The following APOL6 variants were observed in gnomAD, a reference collection of about 807,000 sequenced individuals.
APOL6 encodes the protein apolipoprotein L, 6.
A neutral mutation model predicts 2.4 loss-of-function variants in APOL6; 1 was observed. The ratio of observed to expected loss-of-function variants is 0.41; its 90% CI spans 0.15 to 1.94. The LOEUF is 1.94. Among genes scored for constraint, APOL6 ranks in the 30% most tolerant of loss-of-function variants. The pLI, the probability that APOL6 is intolerant of heterozygous loss-of-function variation, is 0.30. For synonymous variants in APOL6, 189 were observed against 169.3 expected (o/e 1.12, Z -0.90); for missense variants, 438 against 429.2 (o/e 1.02, Z -0.18).
rs1925011302 is a variant in APOL6 at position 35,661,095 on chromosome 22, TATTACACTGATAAAGTGTA to T, written c.*1508_*1526del. On this transcript the variant is annotated 3_prime_UTR_variant, in exon 3 of 3. Coordinates refer to ENST00000409652, the MANE Select transcript of APOL6 (RefSeq NM_030641.4). ...AGTCTGTGGTGAGCAAAGTTTGCCT[TATTACACTGATAAAGTGTA>T]ATTACACTAATAAAGCTGGATCACC... The T allele has an allele frequency of 6.6e-6, 1 of 152,140 alleles. No individual in the cohort carries two copies. Among genetic ancestry groups the T allele is most frequent in the Admixed American group, 6.5e-5 (1 of 15,268 alleles). 9.4% of individuals were successfully genotyped at this position (152,140 alleles called of 1,614,324 possible). A position where few individuals can be genotyped will look rare whatever the true frequency, so the allele number is the denominator to read the frequency against.
intron 1 of APOL6, among the ~76,000 whole-genome samples, chr22:35,653,357 A>G (rs1924750670): frequency 6.6e-6 from 1 of 152,200 alleles, no homozygotes. Context: ...GGACAATTTG[A>G]CTTCCTCTTT....
chr22:35,656,224 C>T (rs1368517713), intron 1 of APOL6, among the ~76,000 whole-genome samples, 155 bp from the exon 2 acceptor site: 1 of 152,162 alleles, frequency 6.6e-6, no homozygotes, highest in East Asian at 1.9e-4. Flanking sequence ...GTAAGCTACA[C>T]CTCAACATAC....
Position 35,665,968 on chromosome 22 carries a change from A to T in APOL6, c.*6372A>T, listed in dbSNP as rs934922447. On this transcript the variant is annotated 3_prime_UTR_variant, in exon 3 of 3. Transcript: ENST00000409652. ...TTTCCCTAAAGTCCTAAAATGACAT[A>T]ATTTGGCTTATTTGGTATAAAAATT... 5 of 152,232 alleles carry T rather than the reference A, an allele frequency of 3.3e-5. No individual in the cohort carries two copies. Among genetic ancestry groups the T allele is most frequent in the African/African-American group, 1.2e-4 (5 of 41,462 alleles). 9.4% of individuals were successfully genotyped at this position (152,232 alleles called of 1,614,324 possible).
Position 35,665,556 on chromosome 22 carries a change from CCTGTGT to C in APOL6, c.*5964_*5969del, listed in dbSNP as rs1408730234. On this transcript the variant is annotated 3_prime_UTR_variant, in exon 3 of 3. Transcript: ENST00000409652. Reference sequence around the variant, plus strand: ...CTGATGCAAAATCAGTATATGGACCCCTGTGTCTGATTAGCAAGGTTTTCTTGAAGC... The same window carrying C: ...CTGATGCAAAATCAGTATATGGACCCCTGATTAGCAAGGTTTTCTTGAAGC... 1 of 152,158 alleles carries C rather than the reference CCTGTGT, an allele frequency of 6.6e-6. No homozygotes were observed. The highest frequency in any genetic ancestry group is 1.9e-4 in the East Asian group (1 of 5,200). The allele number at this position is 152,158 out of a possible 1,614,324, so 9.4% of individuals were successfully genotyped here. A position where few individuals can be genotyped will look rare whatever the true frequency, so the allele number is the denominator to read the frequency against.
In APOL6 at chr22:35,665,640, A is replaced by C. The variant is rs1199586320; in HGVS notation, c.*6044A>C. ...AAAAGGCTTATGGAAGTTATATTTT[A>C]TAATCAAGATTAAATCTTATAGTTT... is the stretch of plus-strand genomic sequence containing the variant. On this transcript the variant is annotated 3_prime_UTR_variant, in exon 3 of 3. Transcript: ENST00000409652. 1 of 152,262 alleles carries C rather than the reference A, an allele frequency of 6.6e-6. No individual in the cohort carries two copies. The highest frequency in any genetic ancestry group is 1.5e-5 in the Non-Finnish European group (1 of 68,050). The allele number at this position is 152,262 out of a possible 1,614,324, so 9.4% of individuals were successfully genotyped here.
At chr22:35,648,885 T>C (rs1924616035) in intron 1 of APOL6, among the ~76,000 whole-genome samples, 1 of 152,212 alleles carries the variant, frequency 6.6e-6, no homozygotes, top group African/African-American at 2.4e-5. Flanking sequence ...ACTAGCCAAG[T>C]TGCATTTGTC....
Position 35,663,177 on chromosome 22 carries a change from G to T in APOL6, c.*3581G>T, listed in dbSNP as rs958242489. Reference sequence around the variant, plus strand: ...CCTAAATTACGGGGTCAAGGACTCTGAAGTGGTAGGAAAACAGCCAGCTTA... The same window carrying T: ...CCTAAATTACGGGGTCAAGGACTCTTAAGTGGTAGGAAAACAGCCAGCTTA... On this transcript the variant is annotated 3_prime_UTR_variant, in exon 3 of 3. Coordinates refer to ENST00000409652, the MANE Select transcript of APOL6 (RefSeq NM_030641.4). 6 of 152,294 alleles carry T rather than the reference G, an allele frequency of 3.9e-5. No homozygotes were observed. The East Asian group carries it at 9.6e-4, about 24-fold the overall frequency. 9.4% of individuals were successfully genotyped at this position (152,294 alleles called of 1,614,324 possible). A position where few individuals can be genotyped will look rare whatever the true frequency, so the allele number is the denominator to read the frequency against.
In APOL6 at chr22:35,666,297, GGGACTCACTCTGTT is replaced by G. The variant is rs1569137350; in HGVS notation, c.*6703_*6716del. ...TATTTTTATTATTATTTTTGAGATG[GGGACTCACTCTGTT>G]GCCCAGGCTGGAGTGCAGCGGCACG... On this transcript the variant is annotated 3_prime_UTR_variant, in exon 3 of 3. Transcript: ENST00000409652. 1 of 151,882 alleles carries G rather than the reference GGGACTCACTCTGTT, an allele frequency of 6.6e-6. No individual in the cohort carries two copies. The highest frequency in any genetic ancestry group is 1.5e-5 in the Non-Finnish European group (1 of 67,980). The allele number at this position is 151,882 out of a possible 1,614,324, so 9.4% of individuals were successfully genotyped here.
rs1198115737 is a variant in APOL6, at chr22:35,661,977, AG to A, written c.*2382del. On this transcript the variant is annotated 3_prime_UTR_variant, in exon 3 of 3. Coordinates refer to ENST00000409652, the MANE Select transcript of APOL6 (RefSeq NM_030641.4). Reference sequence around the variant, plus strand: ...ACACATAACTATAGTTGAAAGAATAAGCAAAAAGTCTATCTAGGTGTGCTGT... The same window carrying A: ...ACACATAACTATAGTTGAAAGAATAACAAAAAGTCTATCTAGGTGTGCTGT... 2.0e-5 allele frequency: 3 copies of A among 152,234 alleles called. No homozygotes were observed. Among genetic ancestry groups the A allele is most frequent in the African/African-American group, 7.2e-5 (3 of 41,454 alleles). The allele number at this position is 152,234 out of a possible 1,614,324, so 9.4% of individuals were successfully genotyped here.
intron 1 of APOL6, among the ~76,000 whole-genome samples, chr22:35,649,057 T>A (rs1325158017): frequency 1.3e-5 from 2 of 152,190 alleles, no homozygotes; most frequent in African/African-American, 4.8e-5. Flanking sequence ...GTCTAGAAAC[T>A]GCAAAGCCAA....
Position 35,662,450 on chromosome 22 carries a change from C to T in APOL6, c.*2854C>T, listed in dbSNP as rs994002535. 1 of 152,176 alleles carries T rather than the reference C, an allele frequency of 6.6e-6. No individual in the cohort carries two copies. Among genetic ancestry groups the T allele is most frequent in the African/African-American group, 2.4e-5 (1 of 41,450 alleles). 9.4% of individuals were successfully genotyped at this position (152,176 alleles called of 1,614,324 possible). On this transcript the variant is annotated 3_prime_UTR_variant, in exon 3 of 3. Transcript: ENST00000409652. ...ATCTCTCTGCTCACTGAGATAGATA[C>T]ATATCTGATTGCCTCCTTTGGAAAG...
rs1925158330 is a variant in APOL6 at position 35,665,686 on chromosome 22, C to G, written c.*6090C>G. 1 of 152,160 alleles carries G rather than the reference C, an allele frequency of 6.6e-6. No homozygotes were observed. The highest frequency in any genetic ancestry group is 1.9e-4 in the East Asian group (1 of 5,202). The allele number at this position is 152,160 out of a possible 1,614,324, so 9.4% of individuals were successfully genotyped here. ...AGTTTGTTTACAAAATTTTGAAAAT[C>G]AAATGTGATTGGCTTCAGGCTGTTT... is the stretch of plus-strand genomic sequence containing the variant. On this transcript the variant is annotated 3_prime_UTR_variant, in exon 3 of 3. Coordinates refer to ENST00000409652, the MANE Select transcript of APOL6 (RefSeq NM_030641.4).
In APOL6 at chr22:35,663,260, CTT is replaced by C. The variant is rs1363115721; in HGVS notation, c.*3668_*3669del. ...GGCTTTATTTACATAACACAGCCAG[CTT>C]TTTGCTAGCCAGACCAAACTCAAAG... On this transcript the variant is annotated 3_prime_UTR_variant, in exon 3 of 3. Transcript: ENST00000409652. 5.9e-5 allele frequency: 9 copies of C among 152,100 alleles called. No homozygotes were observed. The highest frequency in any genetic ancestry group is 7.4e-5 in the Non-Finnish European group (5 of 68,022). The allele number at this position is 152,100 out of a possible 1,614,324, so 9.4% of individuals were successfully genotyped here. A position where few individuals can be genotyped will look rare whatever the true frequency, so the allele number is the denominator to read the frequency against.
chr22:35,649,646 C>T (rs1416109930), intron 1 of APOL6, among the ~76,000 whole-genome samples: 3 of 151,796 alleles, frequency 2.0e-5, no homozygotes, highest in East Asian at 1.9e-4. Flanking sequence ...CAAATCCTCT[C>T]GCAACCACCA....
rs1925143404 is a variant in APOL6 at position 35,665,231 on chromosome 22, G to T, written c.*5635G>T. The T allele has an allele frequency of 6.6e-6, 1 of 152,118 alleles. No individual in the cohort carries two copies. Among genetic ancestry groups the T allele is most frequent in the Non-Finnish European group, 1.5e-5 (1 of 68,026 alleles). The allele number at this position is 152,118 out of a possible 1,614,324, so 9.4% of individuals were successfully genotyped here. ...AAAAAATCAAGGTTATTACATCCAT[G>T]TATCTTCCTGTGTATGCTTTTAAAG... On this transcript the variant is annotated 3_prime_UTR_variant, in exon 3 of 3. Transcript: ENST00000409652.
rs776472812 is a variant in APOL6, at chr22:35,658,741, G to C, written c.177G>C (p.Lys59Asn). Residue 59 changes from lysine (K) to asparagine (N), a missense_variant, in exon 3 of 3, where the codon AAG becomes AAC. Coordinates refer to ENST00000409652, the MANE Select transcript of APOL6 (RefSeq NM_030641.4). ...LKEDLKGNID[K>N]LRALADDIDK... is the part of the protein sequence containing the mutation. ...AAGATCTGAAAGGGAACATTGACAA[G>C]CTCCGTGCCCTCGCAGACGATATTG... 111 of 1,614,054 alleles carry C rather than the reference G, an allele frequency of 6.9e-5. No individual in the cohort carries two copies. The highest frequency in any genetic ancestry group is 8.5e-5 in the Non-Finnish European group (100 of 1,180,042).
intron 1 of APOL6, among the ~76,000 whole-genome samples, chr22:35,654,330 T>C (rs1050516156): frequency 6.6e-6 from 1 of 152,098 alleles, no homozygotes; most frequent in African/African-American, 2.4e-5. Flanking sequence ...TCAAATCACA[T>C]GGTTGTTTCC....
chr22:35,652,823 G>A (rs1217512807), intron 1 of APOL6, among the ~76,000 whole-genome samples: 1 of 152,172 alleles, frequency 6.6e-6, no homozygotes, highest in Admixed American at 6.5e-5. Context: ...TTTGAAGTCA[G>A]GTAGCGTGAT....
rs564927304 is a variant in APOL6, at chr22:35,667,519, A to T, written c.*7923A>T. 2.0e-5 allele frequency: 3 copies of T among 152,232 alleles called. No individual in the cohort carries two copies. The highest frequency in any genetic ancestry group is 7.2e-5 in the African/African-American group (3 of 41,464). 9.4% of individuals were successfully genotyped at this position (152,232 alleles called of 1,614,324 possible). Reference sequence around the variant, plus strand: ...ACGTTTTTAGAAAGTCCTTGGAAACAGTTCTCATTTCAGACATGTAAGCAT... The same window carrying T: ...ACGTTTTTAGAAAGTCCTTGGAAACTGTTCTCATTTCAGACATGTAAGCAT... On this transcript the variant is annotated 3_prime_UTR_variant, in exon 3 of 3. Coordinates refer to ENST00000409652, the MANE Select transcript of APOL6 (RefSeq NM_030641.4).
Sources: gnomAD v4.1 joint callset for allele counts (sites outside exome capture counted in the v4.1 genomes callset) on GRCh38, gnomAD v4.1.1 for gene constraint, MANE v1.5 for transcripts, NCBI Gene and HGNC (gene_info 2026-07-23, HGNC 2026-07-21) for gene names.